The following AMOTL1 variants were observed in gnomAD, a reference collection of about 807,000 sequenced individuals.
AMOTL1 encodes the protein angiomotin-like protein 1.
AMOTL1 carries 45 observed loss-of-function variants against 102.9 expected under a neutral mutation model. The ratio of observed to expected loss-of-function variants is 0.44; its 90% CI spans 0.34 to 0.56. AMOTL1 has a LOEUF of 0.56. Among genes scored for constraint, AMOTL1 ranks in the 20% least tolerant of loss-of-function variants. The probability of loss-of-function intolerance (pLI) is 0.01; values close to 1 mark genes in which losing one functional copy is unlikely to be tolerated. For missense variants in AMOTL1, 1,114 were observed against 1,225.6 expected (o/e 0.91, Z 1.36); for synonymous variants, 481 against 484.7 (o/e 0.99, Z 0.10).
At chr11:94,761,134 C>T (rs1343948040) in intron 3 of AMOTL1, among the ~76,000 whole-genome samples, 3 of 151,628 alleles carry the variant, frequency 2.0e-5, no homozygotes, top group Non-Finnish European at 4.4e-5. Flanking sequence ...TTCTTTCAAA[C>T]TTTATTGTCC....
At position 94,859,574 on chromosome 11, in the gene AMOTL1, C is replaced by T. The variant is rs747845157; in HGVS notation, c.1994C>T (p.Ala665Val). ...PANMPEYNAP[A>V]LLELVREKEE... is the part of the protein sequence containing the mutation. ...AACATGCCGGAATACAATGCCCCAG[C>T]CCTCCTGGAACTTGTGCGGGAGAAG... is the stretch of plus-strand genomic sequence containing the variant. The change falls in exon 9 of 13, where the codon GCC becomes GTC. Residue 665 changes from alanine to valine, a missense_variant. Physicochemically the swap from Ala to Val is moderately conservative, Grantham distance 64. Transcript: ENST00000433060. The T allele has an allele frequency of 6.2e-7, 1 of 1,613,838 alleles. No individual in the cohort carries two copies. Among genetic ancestry groups the T allele is most frequent in the Admixed American group, 1.7e-5 (1 of 60,002 alleles).
chr11:94,827,599 G>T (rs1951990101), intron 4 of AMOTL1, among the ~76,000 whole-genome samples: 1 of 152,210 alleles, frequency 6.6e-6, no homozygotes, highest in South Asian at 2.1e-4. Flanking sequence ...AGCGGTTCAT[G>T]ATATCTGTGG....
At chr11:94,803,394 A>ATGTGGGTGAGCTAC (rs1565359001) in intron 3 of AMOTL1, among the ~76,000 whole-genome samples, 1 of 152,126 alleles carries the variant, frequency 6.6e-6, no homozygotes, top group East Asian at 1.9e-4. Flanking sequence ...ACCTTGGCCC[A>ATGTGGGTGAGCTAC]TGTGGGTGAG....
Position 94,812,613 on chromosome 11 carries a change from T to TTTTTG in AMOTL1, c.1122-8895_1122-8891dup, listed in dbSNP as rs373443388. ...GCAAATTGTGAGGAAAGTATATAGT[T>TTTTTG]TTTTGTTTTGTTTTGTTTTGTTTTG... is the stretch of plus-strand genomic sequence containing the variant. On this transcript the variant is annotated intron_variant, in intron 3 of 12. Coordinates refer to ENST00000433060, the MANE Select transcript of AMOTL1 (RefSeq NM_130847.3). Among the ~76,000 whole-genome samples the TTTTTG allele has an allele frequency of 1.2e-4, 18 of 152,368 alleles. No homozygotes were observed. In the South Asian group the frequency reaches 1.7e-3, roughly 14 times the overall value.
chr11:94,711,845 T>C (rs1258613366), intron 1 of AMOTL1, among the ~76,000 whole-genome samples: 1 of 152,142 alleles, frequency 6.6e-6, no homozygotes, highest in East Asian at 1.9e-4. Context: ...ATTTATTCAT[T>C]GGAGGACATT....
intron 3 of AMOTL1, among the ~76,000 whole-genome samples, chr11:94,815,978 G>A (rs1951758414): frequency 6.6e-6 from 1 of 152,054 alleles, no homozygotes; most frequent in South Asian, 2.1e-4. Context: ...TGTCTGTAAT[G>A]AAAGAGAAAT....
intron 3 of AMOTL1, among the ~76,000 whole-genome samples, chr11:94,802,425 C>G (rs1334671121): frequency 6.6e-6 from 1 of 152,164 alleles, no homozygotes; most frequent in Non-Finnish European, 1.5e-5. Context: ...CTTTGCTTTA[C>G]TATTTGTAAA....
intron 11 of AMOTL1, among the ~76,000 whole-genome samples, chr11:94,868,479 A>G (rs1952927393): frequency 6.6e-6 from 1 of 152,062 alleles, no homozygotes; most frequent in African/African-American, 2.4e-5. Flanking sequence ...TCCCCACCCC[A>G]GCCTCACTAC....
chr11:94,869,607 C>T (rs1464778816), intron 12 of AMOTL1, 134 bp downstream of exon 12: 1 of 1,013,648 alleles, frequency 9.9e-7, no homozygotes, highest in African/African-American at 1.6e-5. Context: ...TTCTAATGCA[C>T]TTAGGATATG....
intron 3 of AMOTL1, among the ~76,000 whole-genome samples, chr11:94,747,699 A>G (rs187711281): frequency 4.3e-4 from 65 of 152,274 alleles, no homozygotes; most frequent in Admixed American, 1.6e-3. Context: ...TGCTTGTGCA[A>G]TGGTCAAATG....
At chr11:94,720,773 G>A (rs1291207663) in intron 1 of AMOTL1, among the ~76,000 whole-genome samples, 2 of 152,118 alleles carry the variant, frequency 1.3e-5, no homozygotes, top group Non-Finnish European at 2.9e-5. Flanking sequence ...TACACAGGTG[G>A]AGTCATGTGT....
chr11:94,779,687 C>T (rs12294457), intron 1 of AMOTL1, among the ~76,000 whole-genome samples: 3,350 of 152,190 alleles, frequency 0.022, 127 homozygotes, highest in African/African-American at 0.077. Flanking sequence ...AGGACAGAAT[C>T]TCCAGAAATG....
At chr11:94,795,293 G>T in intron 2 of AMOTL1, 133 bp downstream of exon 2, 1 of 1,210,384 alleles carries the variant, frequency 8.3e-7, no homozygotes, top group Non-Finnish European at 1.2e-6. Context: ...ATTATTGATT[G>T]TCTGTTCATA....
At chr11:94,725,136 C>A (rs1950235665) in intron 1 of AMOTL1, among the ~76,000 whole-genome samples, 3 of 152,094 alleles carry the variant, frequency 2.0e-5, no homozygotes, top group Non-Finnish European at 4.4e-5. Flanking sequence ...GATAATCAAG[C>A]ATACGGATTC....
chr11:94,756,111 C>T (rs1460025487), intron 3 of AMOTL1, among the ~76,000 whole-genome samples: 1 of 148,318 alleles, frequency 6.7e-6, no homozygotes, highest in Admixed American at 6.8e-5. Flanking sequence ...CAACCAAATT[C>T]CGCTGTCGAT....
intron 3 of AMOTL1, among the ~76,000 whole-genome samples, chr11:94,751,336 C>T (rs1457527460): frequency 1.3e-5 from 2 of 151,964 alleles, no homozygotes; most frequent in Admixed American, 1.3e-4. Context: ...TATTTCCTGC[C>T]CTTTCTGCCC....
At chr11:94,834,872 G>A (rs1952143624) in intron 6 of AMOTL1, among the ~76,000 whole-genome samples, 1 of 152,150 alleles carries the variant, frequency 6.6e-6, no homozygotes, top group Non-Finnish European at 1.5e-5. Flanking sequence ...ATTTCCCTCT[G>A]CTCAGGGTAG....
chr11:94,787,775 T>TA (rs777149338), intron 1 of AMOTL1, among the ~76,000 whole-genome samples: 2 of 146,992 alleles, frequency 1.4e-5, no homozygotes. Context: ...AACAATTGCT[T>TA]AAAAAAATAA....
At chr11:94,767,240 G>A (rs1950865969), upstream of AMOTL1, among the ~76,000 whole-genome samples, 1 of 152,194 alleles carries the variant, frequency 6.6e-6, no homozygotes. Context: ...TACCAGGGTA[G>A]ATGACTTTAA....
Sources: allele counts gnomAD v4.1 joint callset (sites outside exome capture counted in the v4.1 genomes callset), GRCh38; gene constraint gnomAD v4.1.1; transcripts MANE v1.5; gene names NCBI Gene and HGNC (gene_info 2026-07-23, HGNC 2026-07-21).